Variants in POU6F2 observed in about 807,000 individuals in gnomAD.
POU6F2 encodes POU class 6 homeobox 2.
Under a neutral mutation model 71.3 loss-of-function variants are expected in POU6F2, and 31 were observed. That is an observed-to-expected ratio of 0.43 (90% CI 0.33 to 0.59). POU6F2 has a LOEUF of 0.59. Ranked by LOEUF, POU6F2 falls within the 20% of genes least tolerant of loss-of-function variation. The probability of loss-of-function intolerance (pLI) is 0.04; values close to 1 mark genes in which losing one functional copy is unlikely to be tolerated. For synonymous variants in POU6F2, 347 were observed against 355.7 expected, an observed-to-expected ratio of 0.98 and a Z score of 0.27; for missense variants, 783 against 856.8, an observed-to-expected ratio of 0.91 and a Z score of 1.07.
chr7:39,352,944 C>T (rs1204264308), intron 5 of POU6F2, among the ~76,000 whole-genome samples: 2 of 152,170 alleles, frequency 1.3e-5, no homozygotes, highest in Non-Finnish European at 2.9e-5. Context: ...CATGTTCCCC[C>T]CATCTTTTAT....
At chr7:39,370,739 G>A (rs1261246051) in intron 5 of POU6F2, among the ~76,000 whole-genome samples, 1 of 152,202 alleles carries the variant, frequency 6.6e-6, no homozygotes, top group Non-Finnish European at 1.5e-5. Flanking sequence ...TGGACTGTGA[G>A]TAAAGTAGAT....
In POU6F2 at chr7:39,086,041, T is replaced by C. The variant is rs2128720958; in HGVS notation, c.277+10T>C. 1.9e-6 allele frequency: 3 copies of C among 1,612,360 alleles called. No homozygotes were observed. The South Asian group carries it at 3.3e-5, about 18-fold the overall frequency. On this transcript the variant is annotated intron_variant, in intron 2 of 9. Coordinates refer to ENST00000518318, the MANE Select transcript of POU6F2 (RefSeq NM_001370959.1). ...CCCAGCAAGCTCTTCGGTAAGTCTG[T>C]CTAGGTATTTCATTTCAGTACTACC...
At chr7:39,207,043 G>A (rs946878594) in intron 3 of POU6F2, among the ~76,000 whole-genome samples, 1 of 152,268 alleles carries the variant, frequency 6.6e-6, no homozygotes, top group Middle Eastern at 3.4e-3. Flanking sequence ...ATCCCAATGA[G>A]TTCTTTCTGG....
At chr7:39,370,124 C>A (rs894810102) in intron 5 of POU6F2, among the ~76,000 whole-genome samples, 8 of 152,146 alleles carry the variant, frequency 5.3e-5, no homozygotes, top group Non-Finnish European at 7.3e-5. Flanking sequence ...GGGAACCTAA[C>A]CCATAATATC....
intron 1 of POU6F2, among the ~76,000 whole-genome samples, chr7:39,068,490 C>CATATATATATATAT (rs3057275): frequency 2.3e-4 from 34 of 146,716 alleles, no homozygotes; most frequent in African/African-American, 8.1e-4. Context: ...CTAGTACATG[C>CATATATATATATAT]ATATATATAT....
intron 1 of POU6F2, among the ~76,000 whole-genome samples, chr7:39,029,955 G>T (rs1450635595): frequency 6.6e-6 from 1 of 151,958 alleles, no homozygotes; most frequent in Non-Finnish European, 1.5e-5. Flanking sequence ...AGGACCTTTT[G>T]CATCTTTGCT....
In POU6F2 at chr7:39,282,307, G is replaced by C. The variant is rs140250923; in HGVS notation, c.599-57335G>C. Among the ~76,000 whole-genome samples, 164 of 152,160 alleles carry C rather than the reference G, an allele frequency of 1.1e-3. 2 individuals carry two copies. In the East Asian group the frequency reaches 0.028, roughly 26 times the overall value. ...TCTTTAGGTTGGTATAGTCCTATCT[G>C]TCTATTTATATATTTCTGTTGCCTG... is the stretch of plus-strand genomic sequence containing the variant. On this transcript the variant is annotated intron_variant, in intron 4 of 9. Coordinates refer to ENST00000518318, the MANE Select transcript of POU6F2 (RefSeq NM_001370959.1).
At chr7:39,432,950 G>A (rs1264861513) in intron 6 of POU6F2, 127 bp from the exon 7 acceptor site, 2 of 858,340 alleles carry the variant, frequency 2.3e-6, no homozygotes, top group Non-Finnish European at 3.6e-6. Context: ...CCCCCCTCCA[G>A]AGCTGCTTGC....
intron 5 of POU6F2, among the ~76,000 whole-genome samples, chr7:39,392,857 A>G (rs916903847): frequency 6.6e-6 from 1 of 152,164 alleles, no homozygotes; most frequent in African/African-American, 2.4e-5. Flanking sequence ...TGCACAGCCA[A>G]ACATTTCTCA....
At chr7:39,344,049 G>A (rs975530703) in intron 5 of POU6F2, among the ~76,000 whole-genome samples, 3 of 152,184 alleles carry the variant, frequency 2.0e-5, no homozygotes, top group Admixed American at 2.0e-4. Flanking sequence ...ACTGCTATAA[G>A]CTCTGGTCCC....
At chr7:39,069,178 G>A (rs1162383902) in intron 1 of POU6F2, among the ~76,000 whole-genome samples, 2 of 152,210 alleles carry the variant, frequency 1.3e-5, no homozygotes, top group Non-Finnish European at 2.9e-5. Flanking sequence ...TCACCACAGA[G>A]CTAAAAGCTG....
intron 1 of POU6F2, among the ~76,000 whole-genome samples, chr7:38,990,709 C>T (rs879375618): frequency 2.6e-5 from 4 of 151,810 alleles, no homozygotes; most frequent in Non-Finnish European, 5.9e-5. Flanking sequence ...TATCTTGTAC[C>T]GCCACCTCTC....
chr7:39,051,137 T>C (rs1790392816), intron 1 of POU6F2, among the ~76,000 whole-genome samples: 1 of 149,318 alleles, frequency 6.7e-6, no homozygotes, highest in Non-Finnish European at 1.5e-5. Flanking sequence ...CTTAGACATC[T>C]AGGAGAAGAC....
intron 4 of POU6F2, among the ~76,000 whole-genome samples, chr7:39,319,302 C>G (rs1335163958): frequency 6.6e-6 from 1 of 152,214 alleles, no homozygotes; most frequent in East Asian, 1.9e-4. Context: ...GTTTCTGACT[C>G]TTTCAGAGGA....
chr7:39,109,237 T>A (rs947067648), intron 2 of POU6F2, among the ~76,000 whole-genome samples: 3 of 152,138 alleles, frequency 2.0e-5, no homozygotes, highest in Non-Finnish European at 2.9e-5. Context: ...GACTTTGCTA[T>A]GTTGCCCGGG....
chr7:39,082,628 C>G (rs1167921490), intron 1 of POU6F2, among the ~76,000 whole-genome samples: 1 of 152,020 alleles, frequency 6.6e-6, no homozygotes, highest in African/African-American at 2.4e-5. Flanking sequence ...GAATGACTTC[C>G]AAGCCGAGTG....
intron 1 of POU6F2, among the ~76,000 whole-genome samples, chr7:39,001,582 T>A (rs1351447238): frequency 2.6e-5 from 4 of 152,210 alleles, no homozygotes; most frequent in Non-Finnish European, 5.9e-5. Context: ...GGGAAGACCA[T>A]GTCTGAGCTC....
intron 5 of POU6F2, among the ~76,000 whole-genome samples, chr7:39,374,726 G>A (rs539584524): frequency 6.6e-5 from 10 of 152,186 alleles, no homozygotes; most frequent in Non-Finnish European, 1.3e-4. Flanking sequence ...GGAGTGGGGA[G>A]GCATTTCTAA....
At chr7:39,120,121 T>A (rs1315423969) in intron 2 of POU6F2, among the ~76,000 whole-genome samples, 5 of 152,166 alleles carry the variant, frequency 3.3e-5, no homozygotes, top group Non-Finnish European at 7.3e-5. Context: ...GGTACCAGAG[T>A]ATTGTATCAG....
Sources: allele counts gnomAD v4.1 joint callset (sites outside exome capture counted in the v4.1 genomes callset), GRCh38; gene constraint gnomAD v4.1.1; transcripts MANE v1.5; gene names NCBI Gene and HGNC (gene_info 2026-07-23, HGNC 2026-07-21).